Variants in MID1 observed in about 807,000 individuals in gnomAD.
The protein encoded by MID1 is midline 1, also known as E3 ubiquitin-protein ligase Midline-1.
A neutral mutation model predicts 40.4 loss-of-function variants in MID1; 7 were observed. The ratio of observed to expected loss-of-function variants is 0.17; its 90% CI spans 0.10 to 0.33. MID1 has a LOEUF of 0.33. MID1 is among the 10% of genes least tolerant of loss of function. MID1 has a pLI of 1.00. For missense variants in MID1, 367 were observed against 558.5 expected (o/e 0.66, Z 3.46); for synonymous variants, 229 against 221.2 (o/e 1.04, Z -0.31).
chrX:10,585,036 A>G (rs938313608), intron 1 of MID1, among the ~76,000 whole-genome samples: 15 of 110,898 alleles, frequency 1.4e-4, no homozygotes, highest in Non-Finnish European at 2.6e-4. Context: ...AGAGTGAAAC[A>G]GAACAGACTG....
At chrX:10,466,359 G>GT (rs1929386557) in intron 7 of MID1, among the ~76,000 whole-genome samples, 1 of 111,658 alleles carries the variant, frequency 9.0e-6, no homozygotes, top group African/African-American at 3.3e-5. Context: ...TTTTTGTTGT[G>GT]TTTTTCCTTC....
At chrX:10,706,168 T>C (rs535263172) in intron 1 of MID1, among the ~76,000 whole-genome samples, 1 of 110,858 alleles carries the variant, frequency 9.0e-6, no homozygotes, top group Middle Eastern at 4.7e-3. Flanking sequence ...AAATGCTTCC[T>C]GAGGAAGGGG....
chrX:10,657,715 A>G (rs759246842), intron 1 of MID1, among the ~76,000 whole-genome samples: 2 of 112,439 alleles, frequency 1.8e-5, no homozygotes, highest in South Asian at 7.4e-4. Context: ...ACAGATTTTT[A>G]TGGGAGAATG....
intron 9 of MID1, among the ~76,000 whole-genome samples, chrX:10,451,047 AG>A (rs1186917443): frequency 8.9e-6 from 1 of 112,112 alleles, no homozygotes; most frequent in East Asian, 2.8e-4. Flanking sequence ...AATCACTTTA[AG>A]AGTGGTGTGT....
intron 1 of MID1, among the ~76,000 whole-genome samples, chrX:10,809,416 T>A (rs1433094047): frequency 1.8e-5 from 2 of 111,630 alleles, no homozygotes; most frequent in Non-Finnish European, 3.8e-5. Flanking sequence ...GACCCAGCCA[T>A]CCCATTACTG....
intron 1 of MID1, among the ~76,000 whole-genome samples, chrX:10,763,605 G>A (rs1285178377): frequency 9.0e-6 from 1 of 111,536 alleles, no homozygotes; most frequent in Non-Finnish European, 1.9e-5. Context: ...TTGCTATTGT[G>A]AATAGTGCCG....
At chrX:10,485,847 AT>A (rs904003836) in intron 4 of MID1, among the ~76,000 whole-genome samples, 1 of 111,802 alleles carries the variant, frequency 8.9e-6, no homozygotes, top group Admixed American at 9.5e-5. Flanking sequence ...AGAGCTCAAC[AT>A]TTAGTCCAAG....
chrX:10,673,979 G>A (rs900422177), intron 1 of MID1, among the ~76,000 whole-genome samples: 8 of 111,434 alleles, frequency 7.2e-5, no homozygotes, highest in African/African-American at 2.0e-4. Flanking sequence ...TGCAAATTAT[G>A]TGTATTATTA....
chrX:10,559,503 A>T (rs922195903), intron 2 of MID1, among the ~76,000 whole-genome samples: 7 of 112,904 alleles, frequency 6.2e-5, no homozygotes, highest in African/African-American at 2.2e-4. Flanking sequence ...AACAAGTTTG[A>T]AAAACTATAT....
intron 1 of MID1, among the ~76,000 whole-genome samples, chrX:10,692,032 C>T (rs780227893): frequency 2.7e-5 from 3 of 111,666 alleles, no homozygotes; most frequent in Non-Finnish European, 5.6e-5. Context: ...TCTAGTCAGA[C>T]TGGTTGTCTG....
chrX:10,541,528 T>A (rs1185629065), intron 2 of MID1, among the ~76,000 whole-genome samples: 1 of 111,764 alleles, frequency 8.9e-6, no homozygotes, highest in Non-Finnish European at 1.9e-5. Context: ...ATATCAAGAC[T>A]GAAAAACACA....
Position 10,805,317 on chromosome X carries a change from G to A in MID1, c.-187+28237C>T, listed in dbSNP as rs1203709440. 4.3e-4 allele frequency among the ~76,000 whole-genome samples: 42 copies of A among 98,671 alleles called. 1 individual carries two copies. Among genetic ancestry groups the A allele is most frequent in the Non-Finnish European group, 7.6e-4 (38 of 49,714 alleles). 85.7% of individuals were successfully genotyped at this position (98,671 alleles called of 115,157 possible). On this transcript the variant is annotated intron_variant, in intron 1 of 10. Transcript: ENST00000380785. The stretch of plus-strand genomic sequence containing the variant: ...TTCCCACCTATGAGTGAGAATATGC[G>A]GTGTTTGGTTTTTTGTTCTTGCGAT...
chrX:10,623,340 A>G (rs1019238658), upstream of MID1, among the ~76,000 whole-genome samples: 3 of 110,591 alleles, frequency 2.7e-5, no homozygotes, highest in African/African-American at 9.9e-5. Flanking sequence ...GAAGGAAGGG[A>G]AAAAGAAAAG....
intron 1 of MID1, among the ~76,000 whole-genome samples, chrX:10,685,181 C>T (rs999837978): frequency 1.8e-5 from 2 of 111,684 alleles, no homozygotes; most frequent in Non-Finnish European, 3.8e-5. Context: ...TTTCAATGGC[C>T]ATAATAGTTC....
At chrX:10,712,919 C>T (rs2043278531) in intron 1 of MID1, among the ~76,000 whole-genome samples, 1 of 111,765 alleles carries the variant, frequency 8.9e-6, no homozygotes, top group African/African-American at 3.3e-5. Flanking sequence ...TCACCACAAC[C>T]TCTGCCTCCC....
intron 2 of MID1, among the ~76,000 whole-genome samples, chrX:10,564,828 T>C (rs190768917): frequency 4.5e-5 from 5 of 111,062 alleles, no homozygotes; most frequent in African/African-American, 1.6e-4. Context: ...TCATTATGAT[T>C]GTGGTGTTTT....
chrX:10,740,057 T>C (rs777695730), intron 1 of MID1, among the ~76,000 whole-genome samples: 2 of 113,081 alleles, frequency 1.8e-5, no homozygotes, highest in Admixed American at 1.9e-4. Flanking sequence ...ACTGCTTATA[T>C]ATGTGAAAAT....
At chrX:10,501,228 G>T (rs184061003) in intron 3 of MID1, among the ~76,000 whole-genome samples, 6 of 111,395 alleles carry the variant, frequency 5.4e-5, no homozygotes, top group African/African-American at 2.0e-4. Context: ...AGAATCGCTT[G>T]AACCCAGGAG....
At position 10,595,862 on chromosome X, in the gene MID1, T is replaced by A. The variant is rs930939817; in HGVS notation, c.-57+24428A>T. Reference sequence around the variant, plus strand: ...TAATAAATGCTTAAAATGATGGATGTGGTAATTACCCCAATCTGATAATTA... The same window carrying A: ...TAATAAATGCTTAAAATGATGGATGAGGTAATTACCCCAATCTGATAATTA... On this transcript the variant is annotated intron_variant, in intron 1 of 9. Coordinates refer to ENST00000317552, the MANE Select transcript of MID1 (RefSeq NM_000381.4). Among the ~76,000 whole-genome samples the A allele has an allele frequency of 2.7e-5, 3 of 112,055 alleles. 1 individual carries two copies. In the Admixed American group the frequency reaches 2.8e-4, roughly 11 times the overall value.
Sources: allele counts gnomAD v4.1 joint callset (sites outside exome capture counted in the v4.1 genomes callset), GRCh38; gene constraint gnomAD v4.1.1; transcripts MANE v1.5; gene names NCBI Gene and HGNC (gene_info 2026-07-23, HGNC 2026-07-21).